Variants in KIAA1671 observed in about 807,000 individuals in gnomAD.
The protein encoded by KIAA1671 is KIAA1671, also known as uncharacterized protein KIAA1671.
KIAA1671 carries 52 observed loss-of-function variants against 131.2 expected under a neutral mutation model. The observed-to-expected ratio is 0.40, with a 90% confidence interval of 0.32 to 0.50. The LOEUF (loss-of-function observed/expected upper bound fraction) is 0.50. KIAA1671 is among the 20% of genes least tolerant of loss of function. The pLI is 0.73. For synonymous variants in KIAA1671, 1,003 were observed against 961.6 expected, an observed-to-expected ratio of 1.04 and a Z score of -0.80; for missense variants, 2,360 against 2,364.2, an observed-to-expected ratio of 1.00 and a Z score of 0.04.
At chr22:25,015,911 C>G (rs7287331) in intron 1 of KIAA1671, among the ~76,000 whole-genome samples, 2 of 152,052 alleles carry the variant, frequency 1.3e-5, no homozygotes, top group Admixed American at 6.6e-5. Context: ...ACACTCCGTA[C>G]GAAAATGAGC....
intron 6 of KIAA1671, among the ~76,000 whole-genome samples, chr22:25,099,557 T>G (rs1276413589): frequency 5.9e-4 from 33 of 56,264 alleles, no homozygotes; most frequent in African/African-American, 1.1e-3. Flanking sequence ...TTTTTTTTTT[T>G]TTTTTTTTTT....
intron 7 of KIAA1671, 121 bp downstream of exon 7, chr22:25,171,059 C>A (rs1303425154): frequency 2.7e-6 from 2 of 750,856 alleles, no homozygotes; most frequent in African/African-American, 1.8e-5. Context: ...ATAAAAGGAA[C>A]CCATTCTTCT....
chr22:24,979,001 T>G (rs901125736), intron 1 of KIAA1671, among the ~76,000 whole-genome samples: 6 of 148,492 alleles, frequency 4.0e-5, no homozygotes, highest in Admixed American at 1.4e-4. Context: ...CTTAATCATT[T>G]TTTTTTTTTT....
At chr22:25,019,848 G>A (rs1602071918) in intron 1 of KIAA1671, among the ~76,000 whole-genome samples, 1 of 152,160 alleles carries the variant, frequency 6.6e-6, no homozygotes, top group East Asian at 1.9e-4. Context: ...CTTGTGATGT[G>A]ATGGGATTTT....
intron 12 of KIAA1671, among the ~76,000 whole-genome samples, chr22:25,191,200 G>C (rs912177796): frequency 1.2e-4 from 18 of 149,470 alleles, no homozygotes; most frequent in African/African-American, 4.2e-4. Flanking sequence ...CAAGGCTGGA[G>C]TGCAATGATG....
intron 6 of KIAA1671, among the ~76,000 whole-genome samples, chr22:25,105,981 A>G (rs1930986323): frequency 6.6e-6 from 1 of 152,206 alleles, no homozygotes; most frequent in African/African-American, 2.4e-5. Flanking sequence ...ATGGTGTAAT[A>G]CAGTGATGCA....
chr22:25,020,592 A>G (rs1408473679), intron 1 of KIAA1671, among the ~76,000 whole-genome samples: 1 of 152,182 alleles, frequency 6.6e-6, no homozygotes, highest in Non-Finnish European at 1.5e-5. Flanking sequence ...GGTAGTCACC[A>G]GGTATTCCTC....
At chr22:25,154,743 C>A (rs1300538911) in intron 6 of KIAA1671, among the ~76,000 whole-genome samples, 1 of 152,234 alleles carries the variant, frequency 6.6e-6, no homozygotes, top group South Asian at 2.1e-4. Flanking sequence ...CCAGGCACCC[C>A]CTCAGCCCCA....
chr22:25,088,844 A>G (rs1929871519), intron 6 of KIAA1671, among the ~76,000 whole-genome samples: 1 of 151,594 alleles, frequency 6.6e-6, no homozygotes, highest in Non-Finnish European at 1.5e-5. Context: ...CTGTGCCTAT[A>G]TCTGCGTCTG....
chr22:24,952,717 G>C lies in KIAA1671; in HGVS notation c.-263G>C, dbSNP rs930194297. ...CGCGGGGCTGCGGGCTCCCAGGGCA[G>C]GTGCCGCGGGCTGCGGGCAGGTGGC... On this transcript the variant is annotated 5_prime_UTR_variant, in exon 1 of 13. Transcript: ENST00000358431. The surrounding 1 kb of genome is among the most constrained non-coding windows in gnomAD (Gnocchi z 4.5). The C allele has an allele frequency of 6.5e-6, 1 of 154,498 alleles. No individual in the cohort carries two copies. Among genetic ancestry groups the C allele is most frequent in the Admixed American group, 6.6e-5 (1 of 15,242 alleles). 9.6% of individuals were successfully genotyped at this position (154,498 alleles called of 1,614,324 possible).
intron 6 of KIAA1671, among the ~76,000 whole-genome samples, chr22:25,138,956 C>T (rs950331660): frequency 6.6e-6 from 1 of 152,180 alleles, no homozygotes; most frequent in East Asian, 1.9e-4. Context: ...AATCCCACCC[C>T]CTTCCTGGTC....
chr22:25,066,706 T>C (rs535354314), intron 6 of KIAA1671, among the ~76,000 whole-genome samples: 22 of 152,226 alleles, frequency 1.4e-4, no homozygotes, highest in Non-Finnish European at 2.9e-5. Context: ...TGGACATATG[T>C]TTTTAGGGGT....
chr22:25,001,840 T>C (rs1158036736), intron 1 of KIAA1671, among the ~76,000 whole-genome samples: 1 of 152,182 alleles, frequency 6.6e-6, no homozygotes, highest in African/African-American at 2.4e-5. Context: ...TTCCTGTAGC[T>C]GGGAGAACCT....
intron 6 of KIAA1671, among the ~76,000 whole-genome samples, chr22:25,082,937 A>G (rs1267159575): frequency 6.6e-6 from 1 of 152,238 alleles, no homozygotes; most frequent in Non-Finnish European, 1.5e-5. Flanking sequence ...TTTCATATCA[A>G]ACATTTATAT....
chr22:24,958,814 T>TACAAA (rs1921859896), intron 1 of KIAA1671, among the ~76,000 whole-genome samples: 1 of 148,128 alleles, frequency 6.8e-6, no homozygotes, highest in Non-Finnish European at 1.5e-5. Flanking sequence ...CTACTGAAAA[T>TACAAA]ACAAAACAAA....
intron 1 of KIAA1671, among the ~76,000 whole-genome samples, chr22:25,001,524 A>G (rs1924479972): frequency 1.3e-5 from 2 of 152,236 alleles, no homozygotes; most frequent in South Asian, 2.1e-4. Context: ...AGGCTGATAG[A>G]GTCCTCCAGG....
chr22:24,971,647 G>A, intron 1 of KIAA1671, among the ~76,000 whole-genome samples: 1 of 152,152 alleles, frequency 6.6e-6, no homozygotes, highest in Non-Finnish European at 1.5e-5. Flanking sequence ...CATTCCCAGT[G>A]TCTCTCAAAT....
chr22:24,981,371 C>A (rs1016581667), intron 1 of KIAA1671, among the ~76,000 whole-genome samples: 1 of 152,134 alleles, frequency 6.6e-6, no homozygotes, highest in Non-Finnish European at 1.5e-5. Context: ...TTCTCACTGA[C>A]CCGGGGCACA....
At chr22:24,980,235 A>C (rs1339390014) in intron 1 of KIAA1671, among the ~76,000 whole-genome samples, 1 of 151,708 alleles carries the variant, frequency 6.6e-6, no homozygotes, top group Non-Finnish European at 1.5e-5. Context: ...ATGCTGTAAA[A>C]ATATCAGTTC....
Sources: gnomAD v4.1 joint callset for allele counts (sites outside exome capture counted in the v4.1 genomes callset) on GRCh38, gnomAD v4.1.1 for gene constraint, Gnocchi (gnomAD v3.1) non-coding constraint, MANE v1.5 for transcripts, NCBI Gene and HGNC (gene_info 2026-07-23, HGNC 2026-07-21) for gene names.